Variants in KCNH7 observed in about 807,000 individuals in gnomAD.
KCNH7 encodes potassium voltage-gated channel subfamily H member 7.
In KCNH7, 49 loss-of-function variants were observed where a neutral mutation model predicts 120.8. The observed-to-expected ratio is 0.41, with a 90% CI of 0.32 to 0.51. The LOEUF is 0.51. Among genes scored for constraint, KCNH7 ranks in the 20% least tolerant of loss-of-function variants. The probability of loss-of-function intolerance (pLI) is 0.38; values close to 1 mark genes in which losing one functional copy is unlikely to be tolerated. For synonymous variants in KCNH7, 547 were observed against 516.1 expected (o/e 1.06, Z -0.81); for missense variants, 1,097 against 1,446.6 (o/e 0.76, Z 3.92).
intron 3 of KCNH7, among the ~76,000 whole-genome samples, chr2:162,521,422 T>C (rs1228275908): frequency 6.6e-6 from 1 of 151,896 alleles, no homozygotes; most frequent in Non-Finnish European, 1.5e-5. Context: ...AACTCAATAG[T>C]TCATGGAAAA....
intron 2 of KCNH7, among the ~76,000 whole-genome samples, chr2:162,748,566 T>C (rs1688395019): frequency 6.6e-6 from 1 of 152,146 alleles, no homozygotes; most frequent in African/African-American, 2.4e-5. Flanking sequence ...CTAAATGTAG[T>C]AGTCTTATTG....
At chr2:162,378,068 G>T (rs1483728424) in intron 14 of KCNH7, among the ~76,000 whole-genome samples, 1 of 152,172 alleles carries the variant, frequency 6.6e-6, no homozygotes, top group African/African-American at 2.4e-5. Flanking sequence ...AAAGGTCCAA[G>T]TCAGGAATTA....
At chr2:162,624,311 A>T (rs1285703701) in intron 2 of KCNH7, among the ~76,000 whole-genome samples, 1 of 152,172 alleles carries the variant, frequency 6.6e-6, no homozygotes, top group Non-Finnish European at 1.5e-5. Flanking sequence ...GGGGAAAAAC[A>T]GTATAGATGG....
intron 6 of KCNH7, among the ~76,000 whole-genome samples, chr2:162,470,611 G>A (rs544746696): frequency 2.6e-5 from 4 of 151,630 alleles, no homozygotes; most frequent in Non-Finnish European, 4.4e-5. Flanking sequence ...CGCCCCATCC[G>A]GGAGGGAGGT....
intron 2 of KCNH7, among the ~76,000 whole-genome samples, chr2:162,706,695 C>A (rs1004872569): frequency 5.3e-5 from 8 of 151,962 alleles, no homozygotes; most frequent in African/African-American, 1.7e-4. Flanking sequence ...AAATTGTTTG[C>A]CTCTAATTGC....
At chr2:162,570,706 G>T (rs931270888) in intron 2 of KCNH7, among the ~76,000 whole-genome samples, 6 of 151,850 alleles carry the variant, frequency 4.0e-5, no homozygotes, top group African/African-American at 1.5e-4. Flanking sequence ...TCCTTCAGGA[G>T]CTCTTTCATC....
At chr2:162,698,958 CAAAT>C (rs1190626742) in intron 2 of KCNH7, among the ~76,000 whole-genome samples, 2 of 151,852 alleles carry the variant, frequency 1.3e-5, no homozygotes, top group African/African-American at 2.4e-5. Flanking sequence ...ATTAAATTGA[CAAAT>C]AAAAATTATA....
chr2:162,766,513 A>G (rs1387919303), intron 2 of KCNH7, among the ~76,000 whole-genome samples: 1 of 152,184 alleles, frequency 6.6e-6, no homozygotes, highest in African/African-American at 2.4e-5. Context: ...TCAGAAGATC[A>G]AGGAGTTCCT....
At chr2:162,689,776 C>T (rs756132655) in intron 2 of KCNH7, among the ~76,000 whole-genome samples, 5 of 151,962 alleles carry the variant, frequency 3.3e-5, no homozygotes, top group Non-Finnish European at 7.4e-5. Context: ...TTTGCTTTCC[C>T]AGCAGAAAAT....
At position 162,693,937 on chromosome 2, in the gene KCNH7, T is replaced by C. The variant is rs536361122; in HGVS notation, c.307+142600A>G. Among the ~76,000 whole-genome samples, 8 of 152,292 alleles carry C rather than the reference T, an allele frequency of 5.3e-5. No homozygotes were observed. In the East Asian group the frequency reaches 1.5e-3, roughly 29 times the overall value. On this transcript the variant is annotated intron_variant, in intron 2 of 15. Transcript: ENST00000332142. The stretch of plus-strand genomic sequence containing the variant: ...ATTATGGATAGAAGAAACAGTATTC[T>C]ATTGTTGTTAAATTTAAATGGTACA...
intron 9 of KCNH7, among the ~76,000 whole-genome samples, chr2:162,404,719 C>A (rs886601407): frequency 6.6e-5 from 10 of 152,070 alleles, no homozygotes; most frequent in Non-Finnish European, 1.5e-4. Context: ...GCCTGCAGAA[C>A]CATAAGCCAA....
intron 2 of KCNH7, among the ~76,000 whole-genome samples, chr2:162,661,525 T>C (rs1255876860): frequency 1.3e-5 from 2 of 152,204 alleles, no homozygotes; most frequent in African/African-American, 2.4e-5. Context: ...TAGAAGATTA[T>C]TTATGAAAGT....
rs770829109 is a variant in KCNH7, at chr2:162,379,047, G to A, written c.3131+806C>T. On this transcript the variant is annotated intron_variant, in intron 14 of 15. Transcript: ENST00000332142. ...TCGAAATGTGTTAATTGCCCCATAT[G>A]GTTTCCCTCTTCTCTCACTTGTGTT... Among the ~76,000 whole-genome samples the A allele has an allele frequency of 1.4e-3, 206 of 152,252 alleles. 1 individual carries two copies. The highest frequency in any genetic ancestry group is 2.5e-3 in the Non-Finnish European group (167 of 68,012).
At chr2:162,382,893 T>C (rs74564511) in intron 13 of KCNH7, among the ~76,000 whole-genome samples, 10 of 152,040 alleles carry the variant, frequency 6.6e-5, no homozygotes, top group Non-Finnish European at 1.2e-4. Context: ...ATGATATCAA[T>C]TCAATTGACA....
At chr2:162,828,306 G>T (rs1685358652) in intron 2 of KCNH7, among the ~76,000 whole-genome samples, 1 of 151,870 alleles carries the variant, frequency 6.6e-6, no homozygotes, top group Non-Finnish European at 1.5e-5. Context: ...CTTGTTCTTT[G>T]TTACTTGTTA....
At chr2:162,650,730 C>G (rs988718693) in intron 2 of KCNH7, among the ~76,000 whole-genome samples, 1 of 152,162 alleles carries the variant, frequency 6.6e-6, no homozygotes, top group Admixed American at 6.6e-5. Context: ...TTGATGTCTG[C>G]CTCCCCTACT....
At chr2:162,628,784 TTA>T (rs1438886632) in intron 2 of KCNH7, among the ~76,000 whole-genome samples, 1 of 152,068 alleles carries the variant, frequency 6.6e-6, no homozygotes, top group Non-Finnish European at 1.5e-5. Context: ...AAGATCTTGT[TTA>T]TATTTTTAAT....
intron 2 of KCNH7, among the ~76,000 whole-genome samples, chr2:162,758,255 G>A (rs1688853606): frequency 6.6e-6 from 1 of 152,144 alleles, no homozygotes; most frequent in Non-Finnish European, 1.5e-5. Context: ...AGAGTTCCCT[G>A]AGATCCTGGG....
intron 8 of KCNH7, among the ~76,000 whole-genome samples, chr2:162,427,552 T>C (rs115241916): frequency 0.013 from 2,005 of 152,058 alleles, 49 homozygotes; most frequent in African/African-American, 0.046. Context: ...TGAGTTGTCT[T>C]CTTATTATGG....
Sources: allele counts gnomAD v4.1 joint callset (sites outside exome capture counted in the v4.1 genomes callset), GRCh38; gene constraint gnomAD v4.1.1; transcripts MANE v1.5; gene names NCBI Gene and HGNC (gene_info 2026-07-23, HGNC 2026-07-21).